Variants in LRP11 observed in about 807,000 individuals in gnomAD.
The protein encoded by LRP11 is LDL receptor related protein 11.
A neutral mutation model predicts 43.1 loss-of-function variants in LRP11; 25 were observed. The observed-to-expected ratio is 0.58, with a 90% CI of 0.42 to 0.81. The LOEUF is 0.81. LRP11 is among the 30% of genes least tolerant of loss of function. The pLI is 0.00. For synonymous variants in LRP11, 316 were observed against 299.4 expected (o/e 1.06, Z -0.57); for missense variants, 623 against 665.1 (o/e 0.94, Z 0.70).
Position 149,863,618 on chromosome 6 carries a change from A to C in LRP11, c.403T>G (p.Cys135Gly). 1.4e-6 allele frequency: 2 copies of C among 1,466,866 alleles called. No homozygotes were observed. The highest frequency in any genetic ancestry group is 1.8e-6 in the Non-Finnish European group (2 of 1,116,134). 90.9% of individuals were successfully genotyped at this position (1,466,866 alleles called of 1,614,324 possible). A position where few individuals can be genotyped will look rare whatever the true frequency, so the allele number is the denominator to read the frequency against. Residue 135 changes from cysteine to glycine, a missense_variant, in exon 1 of 7, where the codon TGC becomes GGC. Transcript: ENST00000239367. Reference protein sequence around the residue: ...RGWRQCVAACCSEPRCSVAVV... With the variant: ...RGWRQCVAACGSEPRCSVAVV... Reference sequence around the variant, plus strand: ...GCCACGGAGCAGCGCGGCTCGGAGCAGCAGGCCGCCACGCATTGCCGCCAG... The same window carrying C: ...GCCACGGAGCAGCGCGGCTCGGAGCCGCAGGCCGCCACGCATTGCCGCCAG...
chr6:149,822,501 TAAA>T (rs35135120), intron 6 of LRP11, among the ~76,000 whole-genome samples: 1 of 143,676 alleles, frequency 7.0e-6, no homozygotes. Flanking sequence ...GATCCTGTCT[TAAA>T]AAAAAAAAAA....
chr6:149,839,583 A>T (rs1381560128), intron 3 of LRP11, among the ~76,000 whole-genome samples: 4 of 152,248 alleles, frequency 2.6e-5, no homozygotes, highest in Non-Finnish European at 4.4e-5. Context: ...TTTTTGGATT[A>T]GCAGCCTCCA....
intron 2 of LRP11, among the ~76,000 whole-genome samples, chr6:149,851,991 T>C (rs1039300051): frequency 1.3e-5 from 2 of 152,238 alleles, no homozygotes; most frequent in Admixed American, 1.3e-4. Flanking sequence ...CAGCAGATCT[T>C]GCGAGAACTC....
chr6:149,863,015 G>C (rs997380823), intron 1 of LRP11, among the ~76,000 whole-genome samples: 5 of 152,196 alleles, frequency 3.3e-5, no homozygotes, highest in African/African-American at 1.2e-4. Flanking sequence ...CAAGAAAAAG[G>C]AGTGGGTGTT....
At chr6:149,854,012 A>AT (rs770104314) in intron 1 of LRP11, among the ~76,000 whole-genome samples, 92 of 152,322 alleles carry the variant, frequency 6.0e-4, no homozygotes, top group Non-Finnish European at 1.2e-3. Context: ...CTGGAATCCA[A>AT]TTTTTCATCT....
intron 2 of LRP11, among the ~76,000 whole-genome samples, chr6:149,843,677 G>A (rs1178347748): frequency 6.6e-5 from 10 of 152,024 alleles, no homozygotes; most frequent in African/African-American, 2.4e-4. Context: ...CTATGCTCAA[G>A]TTTCTCTCAT....
At chr6:149,828,494 C>CT (rs5880853) in intron 5 of LRP11, among the ~76,000 whole-genome samples, 72,019 of 145,250 alleles carry the variant, frequency 0.5, 19,381 homozygotes, top group East Asian at 0.83. Context: ...GTTTTATTTT[C>CT]TTTTTTTTTT....
intron 5 of LRP11, among the ~76,000 whole-genome samples, chr6:149,831,804 G>T (rs1266540004): frequency 1.3e-5 from 2 of 152,144 alleles, no homozygotes; most frequent in Non-Finnish European, 2.9e-5. Flanking sequence ...AAGTAGCTGG[G>T]ATTACAGGTG....
chr6:149,842,702 T>G, intron 3 of LRP11: 2 of 1,549,754 alleles, frequency 1.3e-6, no homozygotes, highest in South Asian at 1.2e-5. Context: ...TCTCCCAGAA[T>G]AGCCAAGCAA....
intron 3 of LRP11, chr6:149,842,579 G>A: frequency 6.8e-7 from 1 of 1,479,212 alleles, no homozygotes; most frequent in South Asian, 1.2e-5. Flanking sequence ...ACAGCCTCCA[G>A]TAACCGCCAT....
At chr6:149,842,515 G>A in intron 3 of LRP11, 1 of 809,850 alleles carries the variant, frequency 1.2e-6, no homozygotes, top group Admixed American at 2.1e-5. Flanking sequence ...TCCGGTCTCA[G>A]TGACACTTTG....
chr6:149,863,332 T>A, intron 1 of LRP11, 76 bp downstream of exon 1: 6 of 1,290,612 alleles, frequency 4.6e-6, no homozygotes, highest in Non-Finnish European at 5.9e-6. Flanking sequence ...ACGAGTGTGT[T>A]TCGCTTCCAA....
intron 1 of LRP11, among the ~76,000 whole-genome samples, chr6:149,855,709 TTTTAA>T (rs1776787988): frequency 7.1e-6 from 1 of 139,988 alleles, no homozygotes; most frequent in African/African-American, 3.3e-5. Context: ...TTTTTTTTTT[TTTTAA>T]AAAAAAAACA....
At chr6:149,848,725 T>C (rs1484080672) in intron 2 of LRP11, among the ~76,000 whole-genome samples, 1 of 151,846 alleles carries the variant, frequency 6.6e-6, no homozygotes, top group East Asian at 1.9e-4. Context: ...TGGGACCTAC[T>C]TGAGGGTGGA....
Position 149,860,944 on chromosome 6 carries a change from CAG to C in LRP11, c.613+2462_613+2463del, listed in dbSNP as rs964700382. On this transcript the variant is annotated intron_variant, in intron 1 of 6. Coordinates refer to ENST00000239367, the MANE Select transcript of LRP11 (RefSeq NM_032832.6). The stretch of plus-strand genomic sequence containing the variant: ...CTAGGCCTTTGTGTTGTTGTGAGGA[CAG>C]AGTGAGTTCATGCGTGCAAAGGGCT... Among the ~76,000 whole-genome samples, 22 of 152,198 alleles carry C rather than the reference CAG, an allele frequency of 1.4e-4. 1 individual carries two copies. Among genetic ancestry groups the C allele is most frequent in the African/African-American group, 4.8e-4 (20 of 41,526 alleles).
At chr6:149,839,938 CTGTCTTCTTTCTCACCCTAAAAA>C (rs1776522759) in intron 3 of LRP11, among the ~76,000 whole-genome samples, 2 of 152,212 alleles carry the variant, frequency 1.3e-5, no homozygotes, top group African/African-American at 4.8e-5. Context: ...ATAAACTCTG[CTGTCTTCTTTCTCACCCTAAAAA>C]TGTCTTGAAC....
At chr6:149,862,385 C>G (rs1269353571) in intron 1 of LRP11, among the ~76,000 whole-genome samples, 1 of 152,138 alleles carries the variant, frequency 6.6e-6, no homozygotes, top group Admixed American at 6.5e-5. Flanking sequence ...ACACACGGAG[C>G]CTGACCACAC....
intron 1 of LRP11, among the ~76,000 whole-genome samples, chr6:149,856,660 T>C (rs1479076691): frequency 6.6e-6 from 1 of 152,174 alleles, no homozygotes; most frequent in Non-Finnish European, 1.5e-5. Context: ...TAAACACACT[T>C]AGTAAGACCT....
At chr6:149,841,131 A>C (rs915200379) in intron 3 of LRP11, among the ~76,000 whole-genome samples, 1 of 152,192 alleles carries the variant, frequency 6.6e-6, no homozygotes, top group Non-Finnish European at 1.5e-5. Flanking sequence ...GAAAATTATC[A>C]AAGTTGACAA....
Sources: gnomAD v4.1 joint callset for allele counts (sites outside exome capture counted in the v4.1 genomes callset) on GRCh38, gnomAD v4.1.1 for gene constraint, MANE v1.5 for transcripts, NCBI Gene and HGNC (gene_info 2026-07-23, HGNC 2026-07-21) for gene names.